PHACTR3: variants seen among roughly 807,000 people sequenced by gnomAD.
PHACTR3 encodes the protein protein phosphatase 1, regulatory subunit 123.
Under a neutral mutation model 66.8 loss-of-function variants are expected in PHACTR3, and 16 were observed. The observed-to-expected ratio is 0.24, with a 90% CI of 0.16 to 0.36. The LOEUF (loss-of-function observed/expected upper bound fraction) is 0.36, where lower values mean the gene tolerates loss of function less well. Ranked by LOEUF, PHACTR3 falls within the 10% of genes least tolerant of loss-of-function variation. The pLI is 1.00. For missense variants in PHACTR3, 647 were observed against 719.9 expected (o/e 0.90, Z 1.16); for synonymous variants, 323 against 292.1 (o/e 1.11, Z -1.08).
At chr20:59,692,617 G>T (rs1420341845) in intron 1 of PHACTR3, among the ~76,000 whole-genome samples, 1 of 152,230 alleles carries the variant, frequency 6.6e-6, no homozygotes, top group African/African-American at 2.4e-5. Context: ...TTTGAGGTAG[G>T]TGAGGAGACT....
At chr20:59,619,276 G>T (rs1325146709) in intron 1 of PHACTR3, among the ~76,000 whole-genome samples, 1 of 152,118 alleles carries the variant, frequency 6.6e-6, no homozygotes, top group Non-Finnish European at 1.5e-5. Context: ...AAGCCCTAAA[G>T]GGGACAAAAT....
At chr20:59,627,187 T>G (rs1022653168) in intron 1 of PHACTR3, among the ~76,000 whole-genome samples, 1 of 152,170 alleles carries the variant, frequency 6.6e-6, no homozygotes, top group African/African-American at 2.4e-5. Context: ...TTCTTGGAGC[T>G]TTCAGAGAAT....
intron 7 of PHACTR3, among the ~76,000 whole-genome samples, chr20:59,781,708 C>G (rs1446309331): frequency 6.6e-6 from 1 of 152,100 alleles, no homozygotes; most frequent in Non-Finnish European, 1.5e-5. Flanking sequence ...AATATACATG[C>G]AAGATAGTAA....
rs113048395 is a variant in PHACTR3 at position 59,694,075 on chromosome 20, AG to A, written c.119-49029del. On this transcript the variant is annotated intron_variant, in intron 1 of 12. Transcript: ENST00000371015. ...GCAATTTGCCTCACTGACCACATAG[AG>A]GGTGACTGGCCCTGTATTTTATGTC... Among the ~76,000 whole-genome samples the A allele has an allele frequency of 2.5e-4, 38 of 152,328 alleles. 1 individual carries two copies. The highest frequency in any genetic ancestry group is 8.9e-4 in the African/African-American group (37 of 41,578).
intron 1 of PHACTR3, among the ~76,000 whole-genome samples, chr20:59,662,272 G>C (rs1234615797): frequency 6.6e-6 from 1 of 152,162 alleles, no homozygotes; most frequent in Non-Finnish European, 1.5e-5. Context: ...TTAGGATATG[G>C]TGGGGGCATT....
intron 1 of PHACTR3, among the ~76,000 whole-genome samples, chr20:59,592,346 A>G (rs1474980): frequency 1.9e-3 from 284 of 152,118 alleles, no homozygotes; most frequent in African/African-American, 6.3e-3. Context: ...AAGGTACAGG[A>G]ATATTCCATA....
Position 59,841,481 on chromosome 20 carries a change from G to C in PHACTR3, c.1533G>C (p.Gln511His). The C allele has an allele frequency of 6.2e-7, 1 of 1,613,606 alleles. No individual in the cohort carries two copies. The highest frequency in any genetic ancestry group is 8.5e-7 in the Non-Finnish European group (1 of 1,179,724). The change falls in exon 11 of 13, where the codon CAG becomes CAC. Residue 511 changes from glutamine to histidine, a missense_variant. Gln to His is a conservative substitution (Grantham distance 24, BLOSUM62 0). This residue lies in a region of PHACTR3 where 70 missense variants were observed against 148.8 expected (regional missense o/e 0.47). Coordinates refer to ENST00000371015, the MANE Select transcript of PHACTR3 (RefSeq NM_080672.5). ...ATTACGTGGAAGTAGCAAAAGCGCAGGACTATGACAGGAGGGCAGACAAAC... is the reference window on the plus strand; with the variant it reads ...ATTACGTGGAAGTAGCAAAAGCGCACGACTATGACAGGAGGGCAGACAAAC... ...FSDYVEVAKAQDYDRRADKPW... is the reference protein window; with the variant it reads ...FSDYVEVAKAHDYDRRADKPW...
intron 1 of PHACTR3, among the ~76,000 whole-genome samples, chr20:59,650,272 T>C (rs770575832): frequency 6.6e-6 from 1 of 152,196 alleles, no homozygotes; most frequent in Non-Finnish European, 1.5e-5. Flanking sequence ...TATCTGCATA[T>C]ACCTATGATT....
At chr20:59,587,574 C>G (rs2033069620) in intron 1 of PHACTR3, among the ~76,000 whole-genome samples, 1 of 152,262 alleles carries the variant, frequency 6.6e-6, no homozygotes, top group Non-Finnish European at 1.5e-5. Context: ...GTCAGGGGTG[C>G]AGGTGGGCTT....
chr20:59,815,675 G>A (rs552244351), intron 8 of PHACTR3, among the ~76,000 whole-genome samples: 2 of 152,164 alleles, frequency 1.3e-5, no homozygotes, highest in South Asian at 2.1e-4. Context: ...CGCCTGCCTT[G>A]GCCTCCCAAA....
intron 1 of PHACTR3, among the ~76,000 whole-genome samples, chr20:59,679,058 C>T (rs2036554627): frequency 6.6e-6 from 1 of 152,138 alleles, no homozygotes; most frequent in Non-Finnish European, 1.5e-5. Flanking sequence ...GAGATCACGG[C>T]AGAGGGTTGG....
intron 1 of PHACTR3, among the ~76,000 whole-genome samples, chr20:59,612,762 A>G (rs1157818630): frequency 6.6e-6 from 1 of 152,214 alleles, no homozygotes; most frequent in African/African-American, 2.4e-5. Flanking sequence ...TGTTGCTATA[A>G]AGAAATACCT....
intron 1 of PHACTR3, among the ~76,000 whole-genome samples, chr20:59,587,351 T>C (rs1297276934): frequency 6.6e-6 from 1 of 152,142 alleles, no homozygotes; most frequent in African/African-American, 2.4e-5. Flanking sequence ...AGATGTGGGG[T>C]GTCCCCAGCT....
intron 1 of PHACTR3, among the ~76,000 whole-genome samples, chr20:59,719,404 C>T (rs1225872561): frequency 6.6e-6 from 1 of 152,156 alleles, no homozygotes. Context: ...ACCTTGTGAT[C>T]CACCCACCTC....
At chr20:59,673,659 C>T (rs1275036378) in intron 1 of PHACTR3, among the ~76,000 whole-genome samples, 21 of 152,150 alleles carry the variant, frequency 1.4e-4, no homozygotes, top group Admixed American at 1.2e-3. Context: ...CCCAGGATTC[C>T]GACTTGTACC....
At chr20:59,803,605 G>A (rs1317882881) in intron 7 of PHACTR3, among the ~76,000 whole-genome samples, 1 of 151,956 alleles carries the variant, frequency 6.6e-6, no homozygotes, top group African/African-American at 2.4e-5. Flanking sequence ...GCTTTCCTTA[G>A]CAATATATAG....
chr20:59,836,410 G>A, intron 8 of PHACTR3, 95 bp from the exon 9 acceptor site: 1 of 1,205,640 alleles, frequency 8.3e-7, no homozygotes. Flanking sequence ...GCGATCTATA[G>A]GGGTTTGCCA....
intron 1 of PHACTR3, among the ~76,000 whole-genome samples, chr20:59,669,982 T>G (rs1247218015): frequency 6.6e-6 from 1 of 152,244 alleles, no homozygotes; most frequent in Admixed American, 6.5e-5. Flanking sequence ...AGTTCATTAA[T>G]TCATCTCTCT....
At chr20:59,606,310 C>G (rs111485424) in intron 1 of PHACTR3, among the ~76,000 whole-genome samples, 23 of 151,526 alleles carry the variant, frequency 1.5e-4, no homozygotes, top group Middle Eastern at 3.4e-3. Context: ...CCCTCCCCCC[C>G]CCATTTGAAA....
Sources: allele counts gnomAD v4.1 joint callset (sites outside exome capture counted in the v4.1 genomes callset), GRCh38; gene constraint gnomAD v4.1.1; regional missense constraint gnomAD v4.1.1; transcripts MANE v1.5; gene names NCBI Gene and HGNC (gene_info 2026-07-23, HGNC 2026-07-21).